The following TBXAS1 variants were observed in gnomAD, a reference collection of about 807,000 sequenced individuals.
TBXAS1 encodes thromboxane A synthase 1, also known as thromboxane-A synthase.
In TBXAS1, 48 loss-of-function variants were observed where a neutral mutation model predicts 60.7. The observed-to-expected ratio is 0.79, with a 90% CI of 0.63 to 1.01. TBXAS1 has a LOEUF of 1.01. Among genes scored for constraint, TBXAS1 ranks in the 50% least tolerant of loss-of-function variants. The probability of loss-of-function intolerance (pLI) is 0.00; values close to 1 mark genes in which losing one functional copy is unlikely to be tolerated. For synonymous variants in TBXAS1, 287 were observed against 269.7 expected, an observed-to-expected ratio of 1.06 and a Z score of -0.63; for missense variants, 685 against 686.3, an observed-to-expected ratio of 1.00 and a Z score of 0.02.
intron 9 of TBXAS1, among the ~76,000 whole-genome samples, chr7:140,002,972 A>G (rs1813778134): frequency 6.6e-6 from 1 of 151,562 alleles, no homozygotes. Flanking sequence ...GAAAATACAA[A>G]AATTAGCCGG....
chr7:139,997,476 G>A (rs1569523883), intron 9 of TBXAS1, among the ~76,000 whole-genome samples: 1 of 152,108 alleles, frequency 6.6e-6, no homozygotes, highest in Non-Finnish European at 1.5e-5. Flanking sequence ...TTGCTTATGA[G>A]TGCTGAGTGC....
intron 7 of TBXAS1, among the ~76,000 whole-genome samples, 178 bp downstream of exon 7, chr7:139,955,785 G>A (rs915149355): frequency 2.0e-5 from 3 of 152,128 alleles, no homozygotes. Flanking sequence ...CCCGCCTAGG[G>A]CCACTTATTA....
chr7:139,880,460 A>G (rs1337623178), intron 3 of TBXAS1, among the ~76,000 whole-genome samples: 2 of 152,160 alleles, frequency 1.3e-5, no homozygotes, highest in African/African-American at 2.4e-5. Context: ...TTTGTACATA[A>G]TTCATAAAGT....
intron 5 of TBXAS1, 35 bp from the exon 6 acceptor site, chr7:139,953,333 G>A: frequency 6.4e-7 from 1 of 1,566,942 alleles, no homozygotes; most frequent in Non-Finnish European, 8.8e-7. Flanking sequence ...CTCCCGGCAT[G>A]GTGCCCTAAT....
intron 4 of TBXAS1, among the ~76,000 whole-genome samples, chr7:139,920,467 T>G (rs1007240049): frequency 6.6e-6 from 1 of 152,192 alleles, no homozygotes; most frequent in Non-Finnish European, 1.5e-5. Context: ...ACCACAAATG[T>G]CACCCTTTGA....
At chr7:139,957,805 A>C (rs933587078) in intron 8 of TBXAS1, 41 bp downstream of exon 8, 3 of 1,613,234 alleles carry the variant, frequency 1.9e-6, no homozygotes, top group Non-Finnish European at 2.5e-6. Context: ...AATGGAATGG[A>C]GCCGACTTTG....
chr7:139,876,234 A>G (rs1185192691), intron 3 of TBXAS1, among the ~76,000 whole-genome samples: 1 of 152,148 alleles, frequency 6.6e-6, no homozygotes, highest in Non-Finnish European at 1.5e-5. Context: ...GTGTAAAGTA[A>G]TATAGCCCTT....
At chr7:139,832,613 G>A (rs143264017) in intron 1 of TBXAS1, among the ~76,000 whole-genome samples, 34 of 152,272 alleles carry the variant, frequency 2.2e-4, no homozygotes, top group Non-Finnish European at 4.0e-4. Context: ...CAAAGAACAC[G>A]TGGGAAATTC....
At chr7:139,848,601 A>G (rs1301792111) in intron 1 of TBXAS1, among the ~76,000 whole-genome samples, 1 of 152,120 alleles carries the variant, frequency 6.6e-6, no homozygotes, top group African/African-American at 2.4e-5. Context: ...TTGTAATGGG[A>G]CCCAGGCTGA....
chr7:139,798,129 A>G (rs1797619074), intron 4 of TBXAS1, among the ~76,000 whole-genome samples: 1 of 152,144 alleles, frequency 6.6e-6, no homozygotes, highest in Non-Finnish European at 1.5e-5. Flanking sequence ...TTGCTTAGAC[A>G]ATGAGATTCA....
intron 4 of TBXAS1, chr7:139,789,390 A>G (rs1797306461): frequency 6.6e-6 from 1 of 151,798 alleles, no homozygotes; most frequent in South Asian, 2.1e-4. Flanking sequence ...GACTACAGGC[A>G]TGCACCACCA....
intron 1 of TBXAS1, among the ~76,000 whole-genome samples, chr7:139,842,890 C>T (rs1585607330): frequency 6.6e-6 from 1 of 152,240 alleles, no homozygotes; most frequent in Non-Finnish European, 1.5e-5. Context: ...CCCTTTTTTC[C>T]CCTCGAAGAT....
chr7:139,984,128 A>T (rs1812162557), intron 9 of TBXAS1, among the ~76,000 whole-genome samples: 1 of 152,212 alleles, frequency 6.6e-6, no homozygotes, highest in Admixed American at 6.5e-5. Context: ...TTACCCGGCC[A>T]TGTGGCCCTG....
At chr7:139,837,762 G>T (rs1463433162) in intron 1 of TBXAS1, among the ~76,000 whole-genome samples, 1 of 152,050 alleles carries the variant, frequency 6.6e-6, no homozygotes, top group Non-Finnish European at 1.5e-5. Context: ...CACCACTAAA[G>T]AACTTACTCA....
intron 4 of TBXAS1, among the ~76,000 whole-genome samples, chr7:139,823,026 C>A (rs1002311127): frequency 1.3e-5 from 2 of 151,886 alleles, no homozygotes; most frequent in Non-Finnish European, 2.9e-5. Context: ...CCGTCCTCCC[C>A]ACTCACCCCA....
chr7:140,005,035 G>C (rs1429088923), intron 9 of TBXAS1, among the ~76,000 whole-genome samples: 2 of 152,240 alleles, frequency 1.3e-5, no homozygotes, highest in Non-Finnish European at 2.9e-5. Context: ...GGGCAGAAAG[G>C]GGGAAGCCAG....
intron 9 of TBXAS1, among the ~76,000 whole-genome samples, chr7:139,995,081 C>T (rs1489440839): frequency 6.6e-6 from 1 of 152,134 alleles, no homozygotes; most frequent in East Asian, 1.9e-4. Flanking sequence ...TCCAGGCAGG[C>T]AGCCTCTGAA....
chr7:139,995,819 C>T (rs1233710046), intron 9 of TBXAS1, among the ~76,000 whole-genome samples: 1 of 152,160 alleles, frequency 6.6e-6, no homozygotes, highest in African/African-American at 2.4e-5. Context: ...TGATGATGCG[C>T]TCCTGCCTCC....
At chr7:139,879,336 G>A (rs1802502708) in intron 3 of TBXAS1, among the ~76,000 whole-genome samples, 1 of 152,156 alleles carries the variant, frequency 6.6e-6, no homozygotes, top group South Asian at 2.1e-4. Flanking sequence ...TAAAGCAGGA[G>A]GACTGGCGTG....
Sources: allele counts gnomAD v4.1 joint callset (sites outside exome capture counted in the v4.1 genomes callset), GRCh38; gene constraint gnomAD v4.1.1; transcripts MANE v1.5; gene names NCBI Gene and HGNC (gene_info 2026-07-23, HGNC 2026-07-21).